The following SELENOF variants were observed in gnomAD, a reference collection of about 807,000 sequenced individuals.
SELENOF encodes the protein 15 kDa selenoprotein.
SELENOF carries 16 observed loss-of-function variants against 20.5 expected under a neutral mutation model. That is an observed-to-expected ratio of 0.78 (90% confidence interval 0.53 to 1.19). SELENOF has a LOEUF of 1.19. Among genes scored for constraint, SELENOF ranks in the 50% most tolerant of loss-of-function variants. The probability of loss-of-function intolerance (pLI) is 0.00; values close to 1 mark genes in which losing one functional copy is unlikely to be tolerated. For synonymous variants in SELENOF, 78 were observed against 74.5 expected (o/e 1.05, Z -0.24); for missense variants, 215 against 194.2 (o/e 1.11, Z -0.64).
chr1:86,877,266 C>T (rs1478159324), intron 3 of SELENOF, among the ~76,000 whole-genome samples: 1 of 152,080 alleles, frequency 6.6e-6, no homozygotes, highest in African/African-American at 2.4e-5. Context: ...GATATTTAAC[C>T]TATTATACCT....
intron 4 of SELENOF, among the ~76,000 whole-genome samples, chr1:86,863,820 T>A (rs1427455206): frequency 6.6e-6 from 1 of 152,124 alleles, no homozygotes; most frequent in Non-Finnish European, 1.5e-5. Context: ...CATTCATTCA[T>A]TCATTCATTC....
chr1:86,868,517 T>C (rs1658673327), intron 3 of SELENOF, among the ~76,000 whole-genome samples: 1 of 152,040 alleles, frequency 6.6e-6, no homozygotes, highest in African/African-American at 2.4e-5. Context: ...AAAATGTCTG[T>C]AAGAATTTTT....
chr1:86,874,932 T>C (rs1407848837), intron 3 of SELENOF, among the ~76,000 whole-genome samples: 1 of 152,182 alleles, frequency 6.6e-6, no homozygotes, highest in African/African-American at 2.4e-5. Context: ...ATCAAAAAAG[T>C]ATTTCTAAAA....
chr1:86,885,292 A>AG (rs1253069692), intron 2 of SELENOF, among the ~76,000 whole-genome samples: 1 of 152,230 alleles, frequency 6.6e-6, no homozygotes, highest in Non-Finnish European at 1.5e-5. Flanking sequence ...TTTCACATGT[A>AG]GAAAAAGGCC....
At chr1:86,864,859 C>T (rs1262909793) in intron 4 of SELENOF, among the ~76,000 whole-genome samples, 1 of 151,998 alleles carries the variant, frequency 6.6e-6, no homozygotes, top group Non-Finnish European at 1.5e-5. Context: ...GTCTCGAACT[C>T]CTGACCTCAG....
chr1:86,881,381 A>C (rs1370748394), intron 2 of SELENOF, among the ~76,000 whole-genome samples: 2 of 152,222 alleles, frequency 1.3e-5, no homozygotes, highest in Admixed American at 6.5e-5. Context: ...CAAATATTTT[A>C]TTGCAATGAA....
At chr1:86,899,532 C>T (rs113520471) in intron 2 of SELENOF, among the ~76,000 whole-genome samples, 12,778 of 137,654 alleles carry the variant, frequency 0.093, 986 homozygotes, top group African/African-American at 0.22. Context: ...GGCGGCTGGC[C>T]GGGCGGGGGG....
intron 3 of SELENOF, among the ~76,000 whole-genome samples, chr1:86,872,870 G>A (rs1448973230): frequency 6.6e-6 from 1 of 151,900 alleles, no homozygotes; most frequent in African/African-American, 2.4e-5. Flanking sequence ...GTGAAACCCC[G>A]TCTCTACTAA....
chr1:86,863,861 C>A (rs1403721573), intron 4 of SELENOF, among the ~76,000 whole-genome samples: 5 of 152,164 alleles, frequency 3.3e-5, no homozygotes, highest in African/African-American at 1.2e-4. Context: ...GTCACCCAGG[C>A]TGCAGTGTAG....
chr1:86,908,776 G>C (rs561712335), intron 1 of SELENOF, among the ~76,000 whole-genome samples: 2 of 152,286 alleles, frequency 1.3e-5, no homozygotes, highest in South Asian at 4.1e-4. Context: ...TATTACACAT[G>C]ATCTGAATGA....
chr1:86,882,333 G>T (rs1335946806), intron 2 of SELENOF, among the ~76,000 whole-genome samples: 1 of 150,794 alleles, frequency 6.6e-6, no homozygotes, highest in Non-Finnish European at 1.5e-5. Flanking sequence ...AAAAAGATAT[G>T]GCTAATCTTG....
intron 3 of SELENOF, among the ~76,000 whole-genome samples, chr1:86,871,337 T>A (rs1042954241): frequency 6.6e-6 from 1 of 152,186 alleles, no homozygotes; most frequent in African/African-American, 2.4e-5. Context: ...CTTAGTATGT[T>A]AGAGTCATAA....
At chr1:86,899,839 T>G (rs1260602924) in intron 2 of SELENOF, among the ~76,000 whole-genome samples, 3 of 119,972 alleles carry the variant, frequency 2.5e-5, no homozygotes, top group Admixed American at 8.5e-5. Flanking sequence ...GACGGGGCGG[T>G]TGCCAGGCGG....
intron 3 of SELENOF, among the ~76,000 whole-genome samples, chr1:86,869,753 CTTTCTTTCTTTT>C (rs1460913708): frequency 6.7e-6 from 1 of 150,274 alleles, no homozygotes; most frequent in African/African-American, 2.5e-5. Flanking sequence ...TTCTTTCTTT[CTTTCTTTCTTTT>C]TTTGAGACGG....
chr1:86,912,620 C>T (rs1180469764), intron 1 of SELENOF, among the ~76,000 whole-genome samples: 1 of 152,140 alleles, frequency 6.6e-6, no homozygotes, highest in Non-Finnish European at 1.5e-5. Flanking sequence ...CCTGAGAGTG[C>T]CATGAAAAGA....
intron 2 of SELENOF, among the ~76,000 whole-genome samples, chr1:86,885,712 G>A (rs894809015): frequency 3.7e-4 from 56 of 151,994 alleles, no homozygotes; most frequent in African/African-American, 1.3e-3. Flanking sequence ...ATTTTCATAC[G>A]GCATGGTATA....
intron 4 of SELENOF, among the ~76,000 whole-genome samples, chr1:86,864,707 G>C (rs2753278): frequency 0.26 from 39,067 of 151,136 alleles, 6,221 homozygotes; most frequent in African/African-American, 0.45. Context: ...CGTGATCTCG[G>C]TTCACTGCCA....
chr1:86,884,024 G>T (rs1570387164), intron 2 of SELENOF, among the ~76,000 whole-genome samples: 1 of 152,134 alleles, frequency 6.6e-6, no homozygotes, highest in Non-Finnish European at 1.5e-5. Context: ...AACTTTCACA[G>T]AACTTTGTTC....
intron 2 of SELENOF, among the ~76,000 whole-genome samples, chr1:86,897,078 G>C (rs1468113503): frequency 6.6e-6 from 1 of 152,120 alleles, no homozygotes; most frequent in African/African-American, 2.4e-5. Flanking sequence ...GGCCGAGTTG[G>C]GTGGATCACC....
Sources: allele counts gnomAD v4.1 joint callset (sites outside exome capture counted in the v4.1 genomes callset), GRCh38; gene constraint gnomAD v4.1.1; transcripts MANE v1.5; gene names NCBI Gene and HGNC (gene_info 2026-07-23, HGNC 2026-07-21).